The following TDRD12 variants were observed in gnomAD, a reference collection of about 807,000 sequenced individuals.
TDRD12 encodes tudor domain containing 12, also known as putative ATP-dependent RNA helicase TDRD12.
Under a neutral mutation model 133.5 loss-of-function variants are expected in TDRD12, and 158 were observed. The ratio of observed to expected loss-of-function variants is 1.18; its 90% CI spans 1.04 to 1.35. TDRD12 has a LOEUF of 1.35. Among genes scored for constraint, TDRD12 ranks in the 40% most tolerant of loss-of-function variants. TDRD12 has a pLI of 0.00. For missense variants in TDRD12, 1,443 were observed against 1,321.3 expected (o/e 1.09, Z -1.43); for synonymous variants, 460 against 477.9 (o/e 0.96, Z 0.49).
At chr19:32,720,881 G>A (rs907230762) in intron 1 of TDRD12, among the ~76,000 whole-genome samples, 2 of 141,072 alleles carry the variant, frequency 1.4e-5, no homozygotes, top group Non-Finnish European at 3.1e-5. Context: ...GAACCCGGAT[G>A]AGCCCGGGTT....
chr19:32,798,642 T>A (rs11882264), intron 16 of TDRD12, among the ~76,000 whole-genome samples: 1,699 of 152,338 alleles, frequency 0.011, 44 homozygotes, highest in African/African-American at 0.038. Flanking sequence ...GTGCAAACAT[T>A]CTTTCCTAGA....
chr19:32,815,399 A>G (rs1967143332), intron 25 of TDRD12, 49 bp from the exon 26 acceptor site: 1 of 1,457,580 alleles, frequency 6.9e-7, no homozygotes, highest in African/African-American at 1.4e-5. Context: ...TGCTTCAGTT[A>G]AAATTCAGAG....
At chr19:32,757,158 A>G in intron 8 of TDRD12, 28 bp downstream of exon 8, 1 of 1,500,898 alleles carries the variant, frequency 6.7e-7, no homozygotes, top group Non-Finnish European at 9.1e-7. Context: ...GGTTTATTTC[A>G]TAGGCAGCAT....
intron 8 of TDRD12, among the ~76,000 whole-genome samples, chr19:32,757,859 C>T (rs984332617): frequency 6.6e-5 from 10 of 152,214 alleles, no homozygotes; most frequent in African/African-American, 2.4e-4. Context: ...TAGTAAACCA[C>T]AACTACATTA....
chr19:32,765,519 G>A (rs1384075707), intron 8 of TDRD12, among the ~76,000 whole-genome samples: 1 of 152,148 alleles, frequency 6.6e-6, no homozygotes, highest in Non-Finnish European at 1.5e-5. Flanking sequence ...ACTGGATTAA[G>A]AAAATGTGGC....
intron 11 of TDRD12, among the ~76,000 whole-genome samples, chr19:32,783,689 A>C (rs950115930): frequency 6.6e-6 from 1 of 152,106 alleles, no homozygotes; most frequent in Admixed American, 6.5e-5. Flanking sequence ...CATCCCTTGT[A>C]AGTTGTATTC....
intron 20 of TDRD12, 50 bp from the exon 21 acceptor site, chr19:32,802,868 CTCAG>C: frequency 1.3e-6 from 2 of 1,528,234 alleles, no homozygotes; most frequent in East Asian, 2.5e-5. Context: ...ACAAGGTTTC[CTCAG>C]TCAGACTGGG....
At chr19:32,774,551 A>T (rs530713506) in intron 10 of TDRD12, among the ~76,000 whole-genome samples, 2 of 152,100 alleles carry the variant, frequency 1.3e-5, no homozygotes, top group East Asian at 3.9e-4. Flanking sequence ...CACTTTATTT[A>T]AAGATGTTGT....
chr19:32,744,230 G>A (rs184273908), intron 4 of TDRD12, among the ~76,000 whole-genome samples: 3 of 151,970 alleles, frequency 2.0e-5, no homozygotes, highest in Non-Finnish European at 2.9e-5. Flanking sequence ...ACCGGGCCTG[G>A]TGGCTCATGC....
rs112498943 is a variant in TDRD12 at position 32,742,948 on chromosome 19, A to G, written c.440+48A>G. ...TTCGAATCATTAGTAAAAGCCTTCT[A>G]TCAAGTGCACGATCTTTGTATGAAG... On this transcript the variant is annotated intron_variant, in intron 4 of 27. Transcript: ENST00000444215. 1.1e-4 allele frequency: 165 copies of G among 1,546,672 alleles called. 2 individuals are homozygous for G. The South Asian group carries it at 1.1e-3, about 10-fold the overall frequency.
intron 11 of TDRD12, among the ~76,000 whole-genome samples, chr19:32,786,411 C>T (rs1970908929): frequency 6.6e-6 from 1 of 152,124 alleles, no homozygotes; most frequent in Non-Finnish European, 1.5e-5. Flanking sequence ...CTTGGGGTTG[C>T]TCTTCTCGAA....
chr19:32,726,911 G>A (rs756668940), intron 1 of TDRD12, among the ~76,000 whole-genome samples: 2 of 151,792 alleles, frequency 1.3e-5, no homozygotes, highest in Non-Finnish European at 2.9e-5. Context: ...AGGTGTGTAC[G>A]TATCTCTTCA....
intron 4 of TDRD12, among the ~76,000 whole-genome samples, chr19:32,743,201 G>A (rs533235517): frequency 5.3e-5 from 8 of 152,320 alleles, no homozygotes; most frequent in South Asian, 4.1e-4. Context: ...ACGCGCACGC[G>A]CGCACGGTCT....
At chr19:32,811,275 T>G (rs1440477257) in exon 24 of TDRD12, 3 of 1,536,090 alleles carry the variant, frequency 2.0e-6, no homozygotes, top group Non-Finnish European at 1.7e-6. Flanking sequence ...CTTGTAGAGT[T>G]CATCGATGAA....
chr19:32,822,181 A>G (rs1325594599), downstream of TDRD12, among the ~76,000 whole-genome samples: 1 of 152,188 alleles, frequency 6.6e-6, no homozygotes, highest in Non-Finnish European at 1.5e-5. Flanking sequence ...TATGATCCCA[A>G]CACTTTGGGG....
chr19:32,722,698 G>A (rs1452225099), intron 1 of TDRD12, among the ~76,000 whole-genome samples: 1 of 87,328 alleles, frequency 1.1e-5, no homozygotes, highest in Admixed American at 1.3e-4. Flanking sequence ...TTTTTTTTTT[G>A]AGACGGCGTC....
At chr19:32,726,570 G>C (rs1968868511) in intron 1 of TDRD12, among the ~76,000 whole-genome samples, 2 of 152,034 alleles carry the variant, frequency 1.3e-5, no homozygotes, top group Admixed American at 1.3e-4. Context: ...GGTTCATTAT[G>C]TTGTACCATG....
At position 32,818,137 on chromosome 19, in the gene TDRD12, C is replaced by T. The variant is rs150039896; in HGVS notation, c.3363C>T (p.Ser1121=). Residue 1121 remains serine (S), a synonymous_variant, in exon 27 of 28, where the codon TCC becomes TCT. Transcript: ENST00000444215. ...CTGCTCAAGACCAGGATCATCCATCCGAGGAGCAGGGGGGGCAGGGGTGAG... is the reference window on the plus strand; with the variant it reads ...CTGCTCAAGACCAGGATCATCCATCTGAGGAGCAGGGGGGGCAGGGGTGAG... 1.8e-3 allele frequency: 1,286 copies of T among 702,376 alleles called. 12 individuals carry two copies. The African/African-American group carries it at 0.02, about 11-fold the overall frequency. 43.5% of individuals were successfully genotyped at this position (702,376 alleles called of 1,614,324 possible).
downstream of TDRD12, among the ~76,000 whole-genome samples, chr19:32,825,222 G>A (rs181014008): frequency 2.1e-3 from 326 of 152,302 alleles, 1 homozygote; most frequent in Admixed American, 5.1e-3. The surrounding 1 kb of genome is among the most constrained non-coding windows in gnomAD (Gnocchi z 4.1). Flanking sequence ...GCAGGAGTCT[G>A]TTTGTTTCTT....
Sources: gnomAD v4.1 joint callset for allele counts (sites outside exome capture counted in the v4.1 genomes callset) on GRCh38, gnomAD v4.1.1 for gene constraint, Gnocchi (gnomAD v3.1) non-coding constraint, MANE v1.5 for transcripts, NCBI Gene and HGNC (gene_info 2026-07-23, HGNC 2026-07-21) for gene names.